Variants in TRMT2B observed in about 807,000 individuals in gnomAD.
TRMT2B encodes the protein tRNA (uracil-5-)-methyltransferase homolog B.
A neutral mutation model predicts 39.7 loss-of-function variants in TRMT2B; 34 were observed. The observed-to-expected ratio is 0.86, with a 90% CI of 0.65 to 1.14. TRMT2B has a LOEUF of 1.14. Ranked by LOEUF, TRMT2B falls within the 50% of genes most tolerant of loss-of-function variation. TRMT2B has a pLI of 0.00. For synonymous variants in TRMT2B, 132 were observed against 137.3 expected, an observed-to-expected ratio of 0.96 and a Z score of 0.27; for missense variants, 318 against 377.2, an observed-to-expected ratio of 0.84 and a Z score of 1.30.
intron 13 of TRMT2B, among the ~76,000 whole-genome samples, chrX:101,017,185 T>A (rs1375466198): frequency 1.8e-5 from 2 of 111,038 alleles, no homozygotes; most frequent in Non-Finnish European, 3.8e-5. Context: ...AAAAAAAAAA[T>A]TTCTTCCTAT....
rs760762098 is a variant in TRMT2B at position 101,039,058 on chromosome X, T to C, written c.304-1007A>G. ...GAGCCACCATGCCTGGCCTAAACTTTTTGTTTTTTTATTTTTTTGTTTTTT... is the reference window on the plus strand; with the variant it reads ...GAGCCACCATGCCTGGCCTAAACTTCTTGTTTTTTTATTTTTTTGTTTTTT... On this transcript the variant is annotated intron_variant, in intron 4 of 13. Coordinates refer to ENST00000372936, the MANE Select transcript of TRMT2B (RefSeq NM_024917.6). 5.4e-5 allele frequency among the ~76,000 whole-genome samples: 6 copies of C among 110,150 alleles called. No homozygotes were observed. In the East Asian group the frequency reaches 1.7e-3, roughly 32 times the overall value.
At chrX:101,000,539 A>C in the TRMT2B span, among the ~76,000 whole-genome samples, 2 of 111,111 alleles carry the variant, frequency 1.8e-5, no homozygotes, top group African/African-American at 6.5e-5. Context: ...GGCAGAAGGA[A>C]TGAGAAAGGA....
the TRMT2B span, among the ~76,000 whole-genome samples, chrX:101,001,159 A>G: frequency 1.8e-4 from 20 of 110,981 alleles, no homozygotes; most frequent in Non-Finnish European, 2.8e-4. Flanking sequence ...CAGGGTGGAC[A>G]GTAATTTTAA....
the TRMT2B span, among the ~76,000 whole-genome samples, chrX:100,997,008 A>AT: frequency 0.043 from 4,667 of 109,567 alleles, 118 homozygotes; most frequent in Non-Finnish European, 0.065. Flanking sequence ...AAGGAACTAG[A>AT]TTTTTTTTTT....
Position 101,051,712 on chromosome X carries a change from G to C in TRMT2B, c.-485C>G, listed in dbSNP as rs1387340708. The C allele has an allele frequency of 1.3e-6, 1 of 753,447 alleles. No homozygotes were observed. The highest frequency in any genetic ancestry group is 1.5e-4 in the East Asian group (1 of 6,584). The allele number at this position is 753,447 out of a possible 1,213,427, so 62.1% of individuals were successfully genotyped here. On this transcript the variant is annotated 5_prime_UTR_variant, in exon 2 of 14. Coordinates refer to ENST00000372936, the MANE Select transcript of TRMT2B (RefSeq NM_024917.6). ...TCCTCCATTCCCCGCCCCGCGGACA[G>C]TTTGGCATAGTAGGGAGTTTTCTGT...
the TRMT2B span, among the ~76,000 whole-genome samples, chrX:100,994,369 C>T: frequency 8.9e-6 from 1 of 111,862 alleles, no homozygotes; most frequent in African/African-American, 3.2e-5. Flanking sequence ...TAGCTCCCGT[C>T]AGAGGCACTT....
intron 2 of TRMT2B, 48 bp downstream of exon 2, chrX:101,051,203 C>T (rs2089068405): frequency 1.4e-6 from 1 of 703,913 alleles, no homozygotes; most frequent in South Asian, 7.4e-5. Flanking sequence ...GCTAACTCTC[C>T]TGTGCTCAGA....
intron 4 of TRMT2B, among the ~76,000 whole-genome samples, chrX:101,038,950 TA>T (rs1468426609): frequency 7.2e-5 from 8 of 110,522 alleles, no homozygotes; most frequent in Non-Finnish European, 1.5e-4. Flanking sequence ...GGGGTTTCGT[TA>T]TGTTGCCCAG....
At chrX:100,987,221 AT>A in the TRMT2B span, among the ~76,000 whole-genome samples, 1 of 111,924 alleles carries the variant, frequency 8.9e-6, no homozygotes, top group South Asian at 3.8e-4. Flanking sequence ...TATGTCTGTC[AT>A]TTGCCTTCTC....
chrX:100,992,449 C>T, the TRMT2B span, among the ~76,000 whole-genome samples: 1 of 110,679 alleles, frequency 9.0e-6, no homozygotes. Flanking sequence ...GGCATGGTGG[C>T]ACGAGCCTGT....
chrX:101,023,578 G>A lies in TRMT2B; in HGVS notation c.648C>T (p.Pro216=). The A allele has an allele frequency of 8.3e-7, 1 of 1,209,381 alleles. No individual in the cohort carries two copies. The highest frequency in any genetic ancestry group is 1.7e-5 in the African/African-American group (1 of 57,743). The change falls in exon 8 of 14, where the codon CCC becomes CCT. Residue 216 remains proline (P), a synonymous_variant. Coordinates refer to ENST00000372936, the MANE Select transcript of TRMT2B (RefSeq NM_024917.6). ...EVFLRQSPLE[P]CLVFHEGGYW... ...ATCCACCTTCATGAAATACAAGGCA[G>A]GGCTCCAATGGAGACTGTCGAAGGA...
intron 13 of TRMT2B, among the ~76,000 whole-genome samples, chrX:101,016,395 A>G (rs1378555863): frequency 9.0e-6 from 1 of 110,987 alleles, no homozygotes; most frequent in Non-Finnish European, 1.9e-5. Context: ...CTTATGAATG[A>G]TTTGCAAATA....
intron 11 of TRMT2B, among the ~76,000 whole-genome samples, chrX:101,019,636 T>C (rs925133997): frequency 1.0e-4 from 11 of 105,143 alleles, no homozygotes; most frequent in Non-Finnish European, 2.0e-4. Context: ...TGTTTACACC[T>C]TTTTTTTTTT....
chrX:101,019,025 G>C lies in TRMT2B; in HGVS notation c.1334C>G (p.Thr445Arg). Residue 445 changes from threonine to arginine, a missense_variant, in exon 13 of 14, where the codon ACG becomes AGG. Transcript: ENST00000372936. ...GAGCTTGCAGGAAACAAAAACTAGC[G>C]TGTGGATGGCCCTGAAGTTTCGAAT... ...QAIRNFRAIH[T>R]LVFVSCKLHG... 2.5e-6 allele frequency: 3 copies of C among 1,208,555 alleles called. No individual in the cohort carries two copies. Among genetic ancestry groups the C allele is most frequent in the Non-Finnish European group, 3.4e-6 (3 of 892,636 alleles).
the TRMT2B span, among the ~76,000 whole-genome samples, chrX:100,991,323 G>C: frequency 4.5e-5 from 5 of 111,396 alleles, no homozygotes; most frequent in Admixed American, 3.8e-4. Context: ...ACCATGAGCA[G>C]CACAGCCACC....
the TRMT2B span, chrX:100,988,178 T>G: frequency 8.4e-7 from 1 of 1,191,549 alleles, no homozygotes; most frequent in Non-Finnish European, 1.1e-6. Context: ...TGCTGTCCTT[T>G]CCATCTTCCA....
chrX:101,027,049 AC>A (rs1191927749), intron 7 of TRMT2B, among the ~76,000 whole-genome samples: 12 of 110,708 alleles, frequency 1.1e-4, no homozygotes, highest in Non-Finnish European at 1.9e-4. Context: ...GAATCAAGTC[AC>A]CACTACTCCG....
chrX:101,014,898 G>A (rs2086440034), intron 13 of TRMT2B, among the ~76,000 whole-genome samples: 1 of 110,231 alleles, frequency 9.1e-6, no homozygotes, highest in African/African-American at 3.3e-5. Context: ...CATAGTCCCA[G>A]CTACTAGGAG....
the TRMT2B span, among the ~76,000 whole-genome samples, chrX:100,979,875 G>T: frequency 8.9e-6 from 1 of 111,977 alleles, no homozygotes; most frequent in Admixed American, 9.4e-5. Context: ...GTGGTCTTGG[G>T]TAAGATCTGA....
Sources: allele counts gnomAD v4.1 joint callset (sites outside exome capture counted in the v4.1 genomes callset), GRCh38; gene constraint gnomAD v4.1.1; transcripts MANE v1.5; gene names NCBI Gene and HGNC (gene_info 2026-07-23, HGNC 2026-07-21).